ZMAT4: variants seen among roughly 807,000 people sequenced by gnomAD.
ZMAT4 encodes zinc finger matrin-type 4.
ZMAT4 carries 17 observed loss-of-function variants against 28.7 expected under a neutral mutation model. That is an observed-to-expected ratio of 0.59 (90% CI 0.41 to 0.89). The LOEUF is 0.89. ZMAT4 is among the 40% of genes least tolerant of loss of function. The pLI is 0.00. For synonymous variants in ZMAT4, 117 were observed against 109.2 expected (o/e 1.07, Z -0.44); for missense variants, 240 against 283.8 (o/e 0.85, Z 1.11).
At chr8:40,852,279 G>A (rs1267000376) in intron 1 of ZMAT4, among the ~76,000 whole-genome samples, 1 of 151,968 alleles carries the variant, frequency 6.6e-6, no homozygotes, top group African/African-American at 2.4e-5. Context: ...ATTAACTTTT[G>A]TTGAGCTTCC....
chr8:40,765,908 C>T (rs187443078), intron 3 of ZMAT4, among the ~76,000 whole-genome samples: 251 of 152,176 alleles, frequency 1.6e-3, no homozygotes, highest in African/African-American at 5.3e-3. Flanking sequence ...AAGTAAAAAA[C>T]GAATTCTATT....
chr8:40,756,548 G>A (rs1446590779), intron 3 of ZMAT4, among the ~76,000 whole-genome samples: 23 of 148,062 alleles, frequency 1.6e-4, no homozygotes, highest in Admixed American at 1.4e-3. Flanking sequence ...CCAAATATCC[G>A]TAAGTAGGGG....
chr8:40,614,360 T>C (rs1020523190), intron 5 of ZMAT4, among the ~76,000 whole-genome samples: 1 of 152,218 alleles, frequency 6.6e-6, no homozygotes, highest in Non-Finnish European at 1.5e-5. Flanking sequence ...AAAAAATAAA[T>C]AGTTATTAGT....
At chr8:40,761,306 C>T (rs1338994177) in intron 3 of ZMAT4, among the ~76,000 whole-genome samples, 8 of 152,008 alleles carry the variant, frequency 5.3e-5, no homozygotes, top group Admixed American at 1.3e-4. Context: ...TTCAAAGGGG[C>T]TTTCTAAATA....
At chr8:40,574,960 T>A (rs1353438557) in intron 6 of ZMAT4, among the ~76,000 whole-genome samples, 4 of 152,310 alleles carry the variant, frequency 2.6e-5, no homozygotes, top group South Asian at 4.1e-4. Flanking sequence ...TGCTGCAGCA[T>A]GGCATTATTT....
At chr8:40,727,064 T>C (rs982889428) in intron 3 of ZMAT4, among the ~76,000 whole-genome samples, 2 of 152,210 alleles carry the variant, frequency 1.3e-5, no homozygotes, top group Admixed American at 1.3e-4. Flanking sequence ...ACCAACTGGC[T>C]TGAGGAAATT....
intron 1 of ZMAT4, among the ~76,000 whole-genome samples, chr8:40,847,080 C>A (rs2150631778): frequency 6.6e-6 from 1 of 152,002 alleles, no homozygotes; most frequent in East Asian, 1.9e-4. Flanking sequence ...TGGCATGTGC[C>A]TGTAATCCCA....
chr8:40,784,337 C>A (rs542389864), intron 2 of ZMAT4, among the ~76,000 whole-genome samples: 1 of 152,004 alleles, frequency 6.6e-6, no homozygotes, highest in African/African-American at 2.4e-5. Context: ...TAAATCAATG[C>A]GGAAAAATCA....
chr8:40,696,421 A>G (rs1809886534), intron 4 of ZMAT4, among the ~76,000 whole-genome samples: 1 of 152,250 alleles, frequency 6.6e-6, no homozygotes. Flanking sequence ...CTAAATTTTA[A>G]TCGCATGGAA....
chr8:40,746,267 T>TCCCTC (rs1812218733), intron 3 of ZMAT4, among the ~76,000 whole-genome samples: 1 of 119,482 alleles, frequency 8.4e-6, no homozygotes, highest in African/African-American at 3.2e-5. Flanking sequence ...CTCCCTCCCT[T>TCCCTC]CCTTCCTTTC....
chr8:40,558,990 G>C lies in ZMAT4; in HGVS notation c.674+22175C>G, dbSNP rs758076749. On this transcript the variant is annotated intron_variant, in intron 6 of 6. Transcript: ENST00000297737. ...CCATGCCAGAAAAGGGTTAAGCCTC[G>C]CACCCCTGCACTTAAAGAATAAACT... is the stretch of plus-strand genomic sequence containing the variant. 3.3e-5 allele frequency among the ~76,000 whole-genome samples: 5 copies of C among 152,080 alleles called. 1 individual carries two copies. Among genetic ancestry groups the C allele is most frequent in the African/African-American group, 9.7e-5 (4 of 41,414 alleles).
intron 2 of ZMAT4, among the ~76,000 whole-genome samples, chr8:40,812,624 T>G (rs567234411): frequency 1.3e-5 from 2 of 152,168 alleles, no homozygotes; most frequent in Non-Finnish European, 2.9e-5. Context: ...AAGATTGGAC[T>G]TGACACTTTA....
intron 3 of ZMAT4, among the ~76,000 whole-genome samples, chr8:40,759,554 C>T: frequency 6.6e-6 from 1 of 152,112 alleles, no homozygotes; most frequent in East Asian, 1.9e-4. Context: ...AGAACCCTCG[C>T]CAGAAACTGA....
chr8:40,702,020 G>A (rs1277491878), intron 3 of ZMAT4, among the ~76,000 whole-genome samples: 1 of 152,156 alleles, frequency 6.6e-6, no homozygotes, highest in African/African-American at 2.4e-5. Context: ...GAGGGGGTTT[G>A]TTATCAAGAG....
chr8:40,770,148 G>A (rs535664096), intron 2 of ZMAT4, among the ~76,000 whole-genome samples: 2 of 152,176 alleles, frequency 1.3e-5, no homozygotes, highest in East Asian at 3.9e-4. Context: ...GAATGATGGC[G>A]GAGGCATCCT....
intron 1 of ZMAT4, among the ~76,000 whole-genome samples, chr8:40,864,714 C>T (rs1586188101): frequency 6.6e-6 from 1 of 152,118 alleles, no homozygotes; most frequent in South Asian, 2.1e-4. Context: ...TTTTTATGCA[C>T]TGTGATGGTA....
intron 1 of ZMAT4, among the ~76,000 whole-genome samples, chr8:40,868,168 A>G (rs1817736767): frequency 6.6e-6 from 1 of 152,196 alleles, no homozygotes. Flanking sequence ...CTGGTTTGCA[A>G]GTGTATTTAC....
intron 6 of ZMAT4, among the ~76,000 whole-genome samples, chr8:40,556,994 A>C (rs1453779223): frequency 6.6e-6 from 1 of 152,086 alleles, no homozygotes; most frequent in Non-Finnish European, 1.5e-5. Context: ...TCCCACCTAC[A>C]AACTCTTCTC....
At chr8:40,608,665 T>C (rs575903339) in intron 5 of ZMAT4, among the ~76,000 whole-genome samples, 9 of 152,328 alleles carry the variant, frequency 5.9e-5, no homozygotes, top group African/African-American at 2.2e-4. Context: ...CCTGATGTCC[T>C]TCCTCAGCTC....
Sources: allele counts gnomAD v4.1 joint callset (sites outside exome capture counted in the v4.1 genomes callset), GRCh38; gene constraint gnomAD v4.1.1; transcripts MANE v1.5; gene names NCBI Gene and HGNC (gene_info 2026-07-23, HGNC 2026-07-21).